The following KCNJ6 variants were observed in gnomAD, a reference collection of about 807,000 sequenced individuals.
The protein encoded by KCNJ6 is G protein-activated inward rectifier potassium channel 2.
Under a neutral mutation model 34.2 loss-of-function variants are expected in KCNJ6, and 9 were observed. The observed-to-expected ratio is 0.26, with a 90% CI of 0.16 to 0.46. KCNJ6 has a LOEUF of 0.46. Ranked by LOEUF, KCNJ6 falls within the 20% of genes least tolerant of loss-of-function variation. The pLI is 1.00. For missense variants in KCNJ6, 236 were observed against 531.3 expected, an observed-to-expected ratio of 0.44 and a Z score of 5.46; for synonymous variants, 196 against 207.1, an observed-to-expected ratio of 0.95 and a Z score of 0.46.
At chr21:37,846,926 C>T (rs1178944111) in intron 1 of KCNJ6, among the ~76,000 whole-genome samples, 1 of 152,108 alleles carries the variant, frequency 6.6e-6, no homozygotes, top group Non-Finnish European at 1.5e-5. Context: ...GGCAGGTCAC[C>T]TGAGGACTGA....
At chr21:37,767,474 G>C (rs1011915672) in intron 2 of KCNJ6, among the ~76,000 whole-genome samples, 1 of 152,094 alleles carries the variant, frequency 6.6e-6, no homozygotes, top group African/African-American at 2.4e-5. Flanking sequence ...CTCTTCCAGG[G>C]AACCAGGGAA....
At chr21:37,707,580 G>T (rs1569449104) in intron 3 of KCNJ6, among the ~76,000 whole-genome samples, 1 of 151,982 alleles carries the variant, frequency 6.6e-6, no homozygotes, top group Non-Finnish European at 1.5e-5. Flanking sequence ...TATAGCCAGA[G>T]AAGTTAATTT....
intron 2 of KCNJ6, among the ~76,000 whole-genome samples, chr21:37,828,832 T>C (rs2055411408): frequency 6.6e-6 from 1 of 152,194 alleles, no homozygotes; most frequent in Non-Finnish European, 1.5e-5. Context: ...GCTTCCCTGA[T>C]GAGTTAGCCA....
At chr21:37,863,586 G>A (rs935684317) in intron 1 of KCNJ6, among the ~76,000 whole-genome samples, 5 of 152,112 alleles carry the variant, frequency 3.3e-5, no homozygotes, top group Admixed American at 6.5e-5. Flanking sequence ...ATCTACAATC[G>A]TTTTTGTGCA....
At chr21:37,724,357 C>A (rs1378599829) in intron 2 of KCNJ6, among the ~76,000 whole-genome samples, 1 of 152,126 alleles carries the variant, frequency 6.6e-6, no homozygotes, top group Non-Finnish European at 1.5e-5. Flanking sequence ...ACAACACGCA[C>A]AACTATTACT....
chr21:37,770,162 CCTAT>C (rs1442795812), intron 2 of KCNJ6, among the ~76,000 whole-genome samples: 1 of 152,150 alleles, frequency 6.6e-6, no homozygotes, highest in Admixed American at 6.5e-5. Context: ...GCACTTTCAC[CCTAT>C]CTGAGGAAGT....
At chr21:37,788,373 A>G (rs1030223125) in intron 2 of KCNJ6, among the ~76,000 whole-genome samples, 1 of 152,162 alleles carries the variant, frequency 6.6e-6, no homozygotes, top group Admixed American at 6.5e-5. Flanking sequence ...ACTAATATAA[A>G]TCAATAAAAT....
chr21:37,746,710 G>A (rs2054969360), intron 2 of KCNJ6, among the ~76,000 whole-genome samples: 1 of 152,210 alleles, frequency 6.6e-6, no homozygotes, highest in African/African-American at 2.4e-5. Flanking sequence ...CACTGAGACA[G>A]TGCCTGGCAC....
At chr21:37,636,042 G>A (rs2054356485) in intron 3 of KCNJ6, among the ~76,000 whole-genome samples, 1 of 152,178 alleles carries the variant, frequency 6.6e-6, no homozygotes. Flanking sequence ...ACTGGTCTAA[G>A]TCCTGGGCTC....
At chr21:37,750,835 A>C (rs944291283) in intron 2 of KCNJ6, among the ~76,000 whole-genome samples, 2 of 152,194 alleles carry the variant, frequency 1.3e-5, no homozygotes, top group African/African-American at 4.8e-5. Flanking sequence ...CTATGTAACA[A>C]ACCTGCATGT....
intron 3 of KCNJ6, among the ~76,000 whole-genome samples, chr21:37,667,160 A>C (rs1476821680): frequency 1.9e-5 from 2 of 106,668 alleles, no homozygotes; most frequent in African/African-American, 5.9e-5. Flanking sequence ...ATACTAAAAA[A>C]AAAAAAAAAA....
At chr21:37,627,682 C>A (rs974844949) in intron 3 of KCNJ6, among the ~76,000 whole-genome samples, 2 of 152,100 alleles carry the variant, frequency 1.3e-5, no homozygotes, top group Admixed American at 6.5e-5. Context: ...CTGACATATT[C>A]CTGAGAAACT....
intron 3 of KCNJ6, among the ~76,000 whole-genome samples, chr21:37,637,815 G>A (rs182393619): frequency 5.9e-5 from 9 of 152,256 alleles, no homozygotes; most frequent in African/African-American, 2.2e-4. Flanking sequence ...GCATGTGTAC[G>A]CTCTTTCTAC....
At chr21:37,876,666 A>T (rs547647777) in intron 1 of KCNJ6, among the ~76,000 whole-genome samples, 95 of 152,270 alleles carry the variant, frequency 6.2e-4, no homozygotes, top group African/African-American at 2.2e-3. Flanking sequence ...CCTCATTTAC[A>T]GCATTGCATG....
intron 2 of KCNJ6, among the ~76,000 whole-genome samples, chr21:37,757,914 G>T (rs1367049360): frequency 6.6e-6 from 1 of 152,220 alleles, no homozygotes; most frequent in Non-Finnish European, 1.5e-5. Context: ...ACAACAGAAA[G>T]GCCTCACAAT....
At chr21:37,905,985 T>A (rs2055839750) in intron 1 of KCNJ6, among the ~76,000 whole-genome samples, 1 of 152,238 alleles carries the variant, frequency 6.6e-6, no homozygotes, top group Admixed American at 6.5e-5. Context: ...TGATAAGCCC[T>A]CTATTCAATT....
At chr21:37,853,605 A>G (rs2055547971) in intron 1 of KCNJ6, among the ~76,000 whole-genome samples, 2 of 152,014 alleles carry the variant, frequency 1.3e-5, no homozygotes, top group African/African-American at 2.4e-5. Flanking sequence ...AAGAACATGG[A>G]AAGAGAAAAT....
Position 37,612,567 on chromosome 21 carries a change from CAAAT to C in KCNJ6, c.*12588_*12591del, listed in dbSNP as rs1275633467. 1 of 152,070 alleles carries C rather than the reference CAAAT, an allele frequency of 6.6e-6. No individual in the cohort carries two copies. Among genetic ancestry groups the C allele is most frequent in the Non-Finnish European group, 1.5e-5 (1 of 68,004 alleles). The allele number at this position is 152,070 out of a possible 1,614,324, so 9.4% of individuals were successfully genotyped here. Reference sequence around the variant, plus strand: ...GATGTGGTGTTGGTGAAGGAATAGACAAATAGATCAGTGGAACAGAATGGAGAGC... The same window carrying C: ...GATGTGGTGTTGGTGAAGGAATAGACAGATCAGTGGAACAGAATGGAGAGC... On this transcript the variant is annotated 3_prime_UTR_variant, in exon 4 of 4. Transcript: ENST00000609713.
chr21:37,904,014 A>G (rs2055829672), intron 1 of KCNJ6, among the ~76,000 whole-genome samples: 1 of 152,240 alleles, frequency 6.6e-6, no homozygotes, highest in Non-Finnish European at 1.5e-5. Context: ...TATTAATGCA[A>G]TGAAAATATT....
Sources: gnomAD v4.1 joint callset for allele counts (sites outside exome capture counted in the v4.1 genomes callset) on GRCh38, gnomAD v4.1.1 for gene constraint, MANE v1.5 for transcripts, NCBI Gene and HGNC (gene_info 2026-07-23, HGNC 2026-07-21) for gene names.